SLC12A8: variants seen among roughly 807,000 people sequenced by gnomAD.
SLC12A8 encodes solute carrier family 12 member 8.
A neutral mutation model predicts 75.6 loss-of-function variants in SLC12A8; 69 were observed. The observed-to-expected ratio is 0.91, with a 90% CI of 0.75 to 1.11. The LOEUF is 1.11. Ranked by LOEUF, SLC12A8 falls within the 50% of genes most tolerant of loss-of-function variation. The pLI, the probability that SLC12A8 is intolerant of heterozygous loss-of-function variation, is 0.00. For missense variants in SLC12A8, 877 were observed against 896.7 expected, an observed-to-expected ratio of 0.98 and a Z score of 0.28; for synonymous variants, 365 against 372.8, an observed-to-expected ratio of 0.98 and a Z score of 0.24.
At chr3:125,154,340 G>A (rs1158954805) in intron 5 of SLC12A8, among the ~76,000 whole-genome samples, 5 of 152,190 alleles carry the variant, frequency 3.3e-5, no homozygotes. Flanking sequence ...TGATGGTTAA[G>A]GACATGGACC....
At chr3:125,156,384 G>T (rs1489046795) in intron 5 of SLC12A8, among the ~76,000 whole-genome samples, 1 of 152,156 alleles carries the variant, frequency 6.6e-6, no homozygotes, top group Non-Finnish European at 1.5e-5. Context: ...TCATGCATGG[G>T]TCTATGTGTG....
At chr3:125,093,435 T>C (rs1938635814) in intron 10 of SLC12A8, among the ~76,000 whole-genome samples, 1 of 152,160 alleles carries the variant, frequency 6.6e-6, no homozygotes, top group Non-Finnish European at 1.5e-5. Context: ...ATACCAGTGT[T>C]CTTCCCCATG....
intron 2 of SLC12A8, among the ~76,000 whole-genome samples, chr3:125,207,100 C>G (rs1490345264): frequency 6.6e-6 from 1 of 152,164 alleles, no homozygotes; most frequent in Non-Finnish European, 1.5e-5. Flanking sequence ...GGAGCAGAGT[C>G]AGAACCCAGG....
At chr3:125,173,452 C>CAAAAAAAAAAAA (rs61001520) in intron 5 of SLC12A8, among the ~76,000 whole-genome samples, 27 of 79,648 alleles carry the variant, frequency 3.4e-4, no homozygotes, top group Admixed American at 5.0e-4. Context: ...ATTCATGAGC[C>CAAAAAAAAAAAA]AAAAAAAAAA....
At chr3:125,184,154 A>G (rs1256988551) in intron 4 of SLC12A8, among the ~76,000 whole-genome samples, 1 of 152,002 alleles carries the variant, frequency 6.6e-6, no homozygotes, top group Non-Finnish European at 1.5e-5. Flanking sequence ...TGTATTTAGT[A>G]GAGACAGGGT....
At chr3:125,140,021 C>G (rs1163871876) in intron 5 of SLC12A8, among the ~76,000 whole-genome samples, 1 of 152,198 alleles carries the variant, frequency 6.6e-6, no homozygotes, top group Non-Finnish European at 1.5e-5. Context: ...CAGGAGGCAC[C>G]TACAACTTCC....
chr3:125,119,683 A>G (rs1932997534), intron 7 of SLC12A8, among the ~76,000 whole-genome samples: 1 of 152,260 alleles, frequency 6.6e-6, no homozygotes, highest in South Asian at 2.1e-4. Flanking sequence ...TGCACAAAAT[A>G]CCCTGATGCT....
rs551216727 is a variant in SLC12A8, at chr3:125,133,080, T to G, written c.736+2589A>C. ...GGCTTGCAATTCCCAAAGGAGAGAC[T>G]GGGAGAGTTGAGTAGGGGATACAAG... On this transcript the variant is annotated intron_variant, in intron 6 of 13. Transcript: ENST00000469902. Among the ~76,000 whole-genome samples the G allele has an allele frequency of 7.9e-5, 12 of 152,134 alleles. No homozygotes were observed. The East Asian group carries it at 2.3e-3, about 29-fold the overall frequency.
intron 10 of SLC12A8, 137 bp downstream of exon 10, chr3:125,107,344 A>T: frequency 1.3e-6 from 1 of 780,840 alleles, no homozygotes; most frequent in Non-Finnish European, 2.1e-6. Context: ...CCTGAATATA[A>T]TGTTTTAAAA....
intron 10 of SLC12A8, among the ~76,000 whole-genome samples, chr3:125,096,113 A>G (rs1378941360): frequency 1.3e-5 from 2 of 152,050 alleles, no homozygotes; most frequent in African/African-American, 2.4e-5. Context: ...ATTCTTGATG[A>G]GTTGCCAGTC....
chr3:125,106,702 T>G (rs574944916), intron 10 of SLC12A8, among the ~76,000 whole-genome samples: 2 of 152,286 alleles, frequency 1.3e-5, no homozygotes, highest in South Asian at 4.2e-4. Context: ...TCCTCCTCTT[T>G]GCCCACACCT....
At chr3:125,148,002 C>T (rs540582115) in intron 5 of SLC12A8, among the ~76,000 whole-genome samples, 11 of 152,256 alleles carry the variant, frequency 7.2e-5, no homozygotes, top group South Asian at 2.1e-4. Flanking sequence ...GGCAACCTAG[C>T]GAGGCAGGCG....
chr3:125,118,524 C>A (rs567137733), intron 8 of SLC12A8, among the ~76,000 whole-genome samples: 4 of 152,196 alleles, frequency 2.6e-5, no homozygotes, highest in East Asian at 1.9e-4. Context: ...AGCTACCTGG[C>A]GGTCTGAGAC....
At chr3:125,140,638 C>T (rs673693) in intron 5 of SLC12A8, among the ~76,000 whole-genome samples, 69,703 of 151,904 alleles carry the variant, frequency 0.46, 16,600 homozygotes, top group East Asian at 0.64. Context: ...TGAATTCAGG[C>T]CTCCATCTAC....
chr3:125,122,708 A>G (rs971133941), intron 6 of SLC12A8, among the ~76,000 whole-genome samples: 3 of 152,264 alleles, frequency 2.0e-5, no homozygotes, highest in Non-Finnish European at 4.4e-5. Flanking sequence ...GTAGGGCCCC[A>G]GCAGGGAGAC....
chr3:125,096,536 T>A (rs905225351), intron 10 of SLC12A8, among the ~76,000 whole-genome samples: 1 of 152,204 alleles, frequency 6.6e-6, no homozygotes, highest in Non-Finnish European at 1.5e-5. Flanking sequence ...TTGAGAAGAC[T>A]TCATCCTCTC....
intron 5 of SLC12A8, among the ~76,000 whole-genome samples, chr3:125,160,436 A>C (rs960043684): frequency 6.6e-6 from 1 of 152,244 alleles, no homozygotes; most frequent in East Asian, 1.9e-4. Context: ...CACTGTCCTC[A>C]CTATTACAGA....
At chr3:125,156,947 AT>A (rs1464034508) in intron 5 of SLC12A8, among the ~76,000 whole-genome samples, 6 of 152,162 alleles carry the variant, frequency 3.9e-5, no homozygotes, top group Non-Finnish European at 7.4e-5. Context: ...TTTTAAACTT[AT>A]TTCTGGTTAT....
At chr3:125,092,436 G>A (rs1366713252) in intron 10 of SLC12A8, among the ~76,000 whole-genome samples, 1 of 152,132 alleles carries the variant, frequency 6.6e-6, no homozygotes, top group Non-Finnish European at 1.5e-5. Flanking sequence ...GATGCTCAAG[G>A]CACAACTGTC....
Sources: gnomAD v4.1 joint callset for allele counts (sites outside exome capture counted in the v4.1 genomes callset) on GRCh38, gnomAD v4.1.1 for gene constraint, MANE v1.5 for transcripts, NCBI Gene and HGNC (gene_info 2026-07-23, HGNC 2026-07-21) for gene names.